TMEM68: variants seen among roughly 807,000 people sequenced by gnomAD.
The protein encoded by TMEM68 is DGAT1/2-independent enzyme synthesizing storage lipids.
In TMEM68, 25 loss-of-function variants were observed where a neutral mutation model predicts 36.9. The observed-to-expected ratio is 0.68, with a 90% CI of 0.49 to 0.95. The LOEUF (loss-of-function observed/expected upper bound fraction) is 0.95, where lower values mean the gene tolerates loss of function less well. Among genes scored for constraint, TMEM68 ranks in the 40% least tolerant of loss-of-function variants. The pLI is 0.00. For synonymous variants in TMEM68, 131 were observed against 124.4 expected (o/e 1.05, Z -0.35); for missense variants, 333 against 392.0 (o/e 0.85, Z 1.27).
At chr8:55,754,444 A>AATATATATATATATATATATATATAT (rs769626273) in intron 4 of TMEM68, among the ~76,000 whole-genome samples, 1 of 101,136 alleles carries the variant, frequency 9.9e-6, no homozygotes, top group Non-Finnish European at 1.9e-5. Flanking sequence ...CTCTGTCTCG[A>AATATATATATATATATATATATATAT]ATATATATAT....
At chr8:55,752,236 G>T (rs77337526) in intron 4 of TMEM68, among the ~76,000 whole-genome samples, 2,825 of 151,506 alleles carry the variant, frequency 0.019, 105 homozygotes, top group African/African-American at 0.066. Flanking sequence ...ACACTATGCA[G>T]ACCAACCAAA....
intron 7 of TMEM68, among the ~76,000 whole-genome samples, chr8:55,742,668 G>A (rs747386721): frequency 6.6e-6 from 1 of 151,944 alleles, no homozygotes; most frequent in East Asian, 1.9e-4. Flanking sequence ...GCCTCCCAAG[G>A]TGCCGGGATT....
chr8:55,771,700 TAA>T (rs1181525061), intron 1 of TMEM68, among the ~76,000 whole-genome samples: 3 of 152,222 alleles, frequency 2.0e-5, no homozygotes, highest in African/African-American at 7.2e-5. Context: ...TTTTAGTATA[TAA>T]GTCACATTGA....
At chr8:55,763,128 A>G (rs1810852706) in intron 2 of TMEM68, 100 bp from the exon 3 acceptor site, 1 of 592,360 alleles carries the variant, frequency 1.7e-6, no homozygotes. Context: ...TTAATACCCA[A>G]AATGAGTAGA....
chr8:55,764,435 C>T (rs1180081379), intron 1 of TMEM68, among the ~76,000 whole-genome samples: 3 of 152,166 alleles, frequency 2.0e-5, no homozygotes, highest in African/African-American at 7.2e-5. Flanking sequence ...ACTATTTTAT[C>T]ATTATTCCAT....
intron 4 of TMEM68, among the ~76,000 whole-genome samples, chr8:55,755,369 T>G (rs1396392802): frequency 2.0e-5 from 3 of 151,558 alleles, no homozygotes; most frequent in Non-Finnish European, 4.4e-5. Context: ...CGGGTTCAAG[T>G]GATTCTCTTG....
intron 1 of TMEM68, among the ~76,000 whole-genome samples, chr8:55,768,938 C>T (rs1811059475): frequency 6.7e-6 from 1 of 149,338 alleles, no homozygotes. Context: ...ATCACTTGAG[C>T]CTGGGAGGTA....
In TMEM68 at chr8:55,750,986, T is replaced by C. The variant is rs1172078851; in HGVS notation, c.665A>G (p.Gln222Arg). Reference protein sequence around the residue: ...IVWGHRRGFAQVAIDAKVPII... With the variant: ...IVWGHRRGFARVAIDAKVPII... ...CACCACTTTTGCATCAATTGCAACC[T>C]GAGCAAAGCCTCTGCGATGACCCCA... Residue 222 changes from glutamine (Q) to arginine (R), a missense_variant, in exon 5 of 8, where the codon CAG (glutamine) becomes CGG (arginine). By Grantham distance (43) the Gln-to-Arg change is conservative. Coordinates refer to ENST00000434581, the MANE Select transcript of TMEM68 (RefSeq NM_001286657.2). 43 of 1,607,814 alleles carry C rather than the reference T, an allele frequency of 2.7e-5. No individual in the cohort carries two copies. The highest frequency in any genetic ancestry group is 3.6e-5 in the Non-Finnish European group (43 of 1,178,680).
chr8:55,755,253 A>G (rs1810567773), intron 4 of TMEM68, among the ~76,000 whole-genome samples: 1 of 151,808 alleles, frequency 6.6e-6, no homozygotes. Flanking sequence ...ATAATATTAC[A>G]TGAAGACAAA....
intron 1 of TMEM68, among the ~76,000 whole-genome samples, chr8:55,769,322 C>CAAAAAAA (rs56065552): frequency 0.039 from 2,765 of 71,010 alleles, 259 homozygotes; most frequent in African/African-American, 0.077. Context: ...AATCCCATCT[C>CAAAAAAA]AAAAAAAAAA....
chr8:55,750,751 G>T (rs745463963), intron 5 of TMEM68: 5 of 431,228 alleles, frequency 1.2e-5, no homozygotes, highest in Non-Finnish European at 2.0e-5. Flanking sequence ...TGTTGGCCAG[G>T]CTGGTCTCAA....
chr8:55,771,624 AT>A (rs1811172111), intron 1 of TMEM68, among the ~76,000 whole-genome samples: 1 of 152,292 alleles, frequency 6.6e-6, no homozygotes, highest in East Asian at 1.9e-4. Context: ...CTCAAAAAAA[AT>A]AAATAAATAA....
At chr8:55,754,656 T>C (rs867642477) in intron 4 of TMEM68, among the ~76,000 whole-genome samples, 3 of 131,884 alleles carry the variant, frequency 2.3e-5, no homozygotes, top group African/African-American at 5.8e-5. Flanking sequence ...ATTTATATTA[T>C]ATATAAAATA....
chr8:55,759,443 T>A (rs1563435305), intron 3 of TMEM68, among the ~76,000 whole-genome samples: 1 of 151,974 alleles, frequency 6.6e-6, no homozygotes, highest in East Asian at 1.9e-4. Flanking sequence ...TGGTGGCATG[T>A]GCCTATAGTC....
At chr8:55,757,371 T>C (rs1417651194) in intron 3 of TMEM68, among the ~76,000 whole-genome samples, 1 of 152,110 alleles carries the variant, frequency 6.6e-6, no homozygotes, top group Non-Finnish European at 1.5e-5. Context: ...AGTCCCACGG[T>C]AGGCTAGTAT....
intron 3 of TMEM68, among the ~76,000 whole-genome samples, chr8:55,759,392 G>A (rs1810713012): frequency 6.6e-6 from 1 of 151,860 alleles, no homozygotes. Context: ...CCAACATGGT[G>A]AAACCCCATC....
intron 4 of TMEM68, among the ~76,000 whole-genome samples, chr8:55,754,910 A>T (rs966498954): frequency 8.8e-6 from 1 of 114,236 alleles, no homozygotes; most frequent in African/African-American, 3.6e-5. Context: ...CATATATTAT[A>T]TATTATATAT....
chr8:55,772,752 G>A (rs2130068468), intron 1 of TMEM68, among the ~76,000 whole-genome samples: 1 of 152,312 alleles, frequency 6.6e-6, no homozygotes, highest in Non-Finnish European at 1.5e-5. Context: ...CAGGTCACAA[G>A]GTAGGACCAG....
chr8:55,772,362 C>CT (rs1237833914), intron 1 of TMEM68, among the ~76,000 whole-genome samples: 2 of 152,230 alleles, frequency 1.3e-5, no homozygotes, highest in Admixed American at 6.5e-5. Context: ...ACTTTCAAGT[C>CT]TGAGCTTGTC....
Sources: allele counts gnomAD v4.1 joint callset (sites outside exome capture counted in the v4.1 genomes callset), GRCh38; gene constraint gnomAD v4.1.1; transcripts MANE v1.5; gene names NCBI Gene and HGNC (gene_info 2026-07-23, HGNC 2026-07-21).